The following EIPR1 variants were observed in gnomAD, a reference collection of about 807,000 sequenced individuals.
The protein encoded by EIPR1 is EARP and GARP complex-interacting protein 1.
EIPR1 carries 25 observed loss-of-function variants against 48.1 expected under a neutral mutation model. The observed-to-expected ratio is 0.52, with a 90% CI of 0.38 to 0.73. EIPR1 has a LOEUF of 0.73. Among genes scored for constraint, EIPR1 ranks in the 30% least tolerant of loss-of-function variants. The pLI is 0.00. For missense variants in EIPR1, 415 were observed against 506.2 expected (o/e 0.82, Z 1.73); for synonymous variants, 204 against 201.9 (o/e 1.01, Z -0.09).
intron 4 of EIPR1, among the ~76,000 whole-genome samples, chr2:3,219,817 A>G (rs1665809050): frequency 6.6e-6 from 1 of 152,228 alleles, no homozygotes; most frequent in Admixed American, 6.5e-5. Context: ...TACACTCTAG[A>G]GCATTCACAG....
intron 1 of EIPR1, among the ~76,000 whole-genome samples, chr2:3,370,140 GA>G (rs1671078484): frequency 6.6e-6 from 1 of 152,176 alleles, no homozygotes; most frequent in African/African-American, 2.4e-5. Context: ...GTCTGGAGTG[GA>G]CCTCTAGCAA....
intron 4 of EIPR1, among the ~76,000 whole-genome samples, chr2:3,223,568 C>T (rs1306944547): frequency 2.0e-5 from 3 of 152,206 alleles, no homozygotes; most frequent in Non-Finnish European, 4.4e-5. Context: ...TTATCAAGTA[C>T]AAGTCAGTGA....
intron 3 of EIPR1, among the ~76,000 whole-genome samples, chr2:3,269,509 A>ATCGCACTCAG (rs1667621752): frequency 9.0e-5 from 2 of 22,118 alleles, no homozygotes; most frequent in Non-Finnish European, 1.7e-4. Flanking sequence ...GCACTCAATC[A>ATCGCACTCAG]TCATCACACT....
At chr2:3,241,562 G>A (rs546764724) in intron 4 of EIPR1, among the ~76,000 whole-genome samples, 15 of 152,114 alleles carry the variant, frequency 9.9e-5, no homozygotes, top group Admixed American at 3.9e-4. Flanking sequence ...AAACTAAGAC[G>A]TTTATTTCTT....
chr2:3,197,789 A>C (rs1664861885), intron 5 of EIPR1, among the ~76,000 whole-genome samples: 1 of 152,200 alleles, frequency 6.6e-6, no homozygotes, highest in Non-Finnish European at 1.5e-5. Context: ...CCTGCCCCCA[A>C]GTCCTCCTGA....
At chr2:3,195,495 A>C (rs1664774746) in intron 6 of EIPR1, among the ~76,000 whole-genome samples, 1 of 152,160 alleles carries the variant, frequency 6.6e-6, no homozygotes, top group Admixed American at 6.5e-5. Context: ...ACCACTTTTA[A>C]ATCTTCTGGT....
chr2:3,261,300 AAACGTACAT>A (rs1189503271), intron 3 of EIPR1, among the ~76,000 whole-genome samples: 2 of 152,210 alleles, frequency 1.3e-5, no homozygotes, highest in African/African-American at 4.8e-5. Flanking sequence ...ACATGAGTGC[AAACGTACAT>A]AACGTACATA....
At chr2:3,274,112 C>T (rs1422708340) in intron 3 of EIPR1, among the ~76,000 whole-genome samples, 4 of 152,134 alleles carry the variant, frequency 2.6e-5, no homozygotes, top group South Asian at 2.1e-4. Context: ...GAACCTAGGA[C>T]ACAGCAGAGA....
chr2:3,227,113 T>A (rs1260309853), intron 4 of EIPR1, among the ~76,000 whole-genome samples: 1 of 151,964 alleles, frequency 6.6e-6, no homozygotes, highest in Non-Finnish European at 1.5e-5. Flanking sequence ...GGAAGTGACA[T>A]TAGAACTGGG....
chr2:3,239,214 G>T (rs952182479), intron 4 of EIPR1, among the ~76,000 whole-genome samples: 1 of 152,220 alleles, frequency 6.6e-6, no homozygotes, highest in Non-Finnish European at 1.5e-5. Flanking sequence ...GCCCCATCAG[G>T]CTGTGTCCTC....
intron 2 of EIPR1, among the ~76,000 whole-genome samples, chr2:3,339,904 G>T (rs922462605): frequency 6.6e-6 from 1 of 152,192 alleles, no homozygotes; most frequent in Non-Finnish European, 1.5e-5. Flanking sequence ...GAGCCGAGAT[G>T]GCGCCACCGC....
intron 8 of EIPR1, among the ~76,000 whole-genome samples, chr2:3,190,593 C>T (rs904079942): frequency 6.6e-6 from 1 of 152,150 alleles, no homozygotes; most frequent in African/African-American, 2.4e-5. Flanking sequence ...CATGACATTG[C>T]CGCCCAGAAG....
At chr2:3,283,957 A>AG (rs1668095303) in intron 3 of EIPR1, among the ~76,000 whole-genome samples, 1 of 150,854 alleles carries the variant, frequency 6.6e-6, no homozygotes, top group Non-Finnish European at 1.5e-5. Context: ...AAAAAAAAAA[A>AG]AAAAAAAAGA....
chr2:3,298,535 T>A (rs1668669032), intron 3 of EIPR1: 1 of 152,028 alleles, frequency 6.6e-6, no homozygotes, highest in African/African-American at 2.4e-5. Context: ...GATCTTACGA[T>A]CTCGATGGTG....
At chr2:3,247,446 A>C (rs1326049517) in intron 4 of EIPR1, among the ~76,000 whole-genome samples, 3 of 152,220 alleles carry the variant, frequency 2.0e-5, no homozygotes, top group African/African-American at 7.2e-5. Context: ...GGTGATGATG[A>C]TGCATTGTGG....
intron 3 of EIPR1, among the ~76,000 whole-genome samples, chr2:3,288,237 G>A (rs1013810829): frequency 6.6e-6 from 1 of 152,224 alleles, no homozygotes; most frequent in Non-Finnish European, 1.5e-5. Context: ...TCCAAGCCCT[G>A]CCTCTCTGCT....
intron 5 of EIPR1, chr2:3,208,357 G>A (rs996928250): frequency 7.1e-6 from 8 of 1,133,602 alleles, no homozygotes; most frequent in Non-Finnish European, 9.7e-6. Context: ...CTGTGCCCGG[G>A]TGGGACTCAT....
At chr2:3,241,306 G>A (rs1408384748) in intron 4 of EIPR1, among the ~76,000 whole-genome samples, 4 of 152,214 alleles carry the variant, frequency 2.6e-5, no homozygotes, top group Non-Finnish European at 5.9e-5. Flanking sequence ...CCAGAATTAT[G>A]GTAGGGAGAG....
chr2:3,272,460 C>CA (rs749409971), intron 3 of EIPR1, among the ~76,000 whole-genome samples: 1 of 152,164 alleles, frequency 6.6e-6, no homozygotes, highest in Non-Finnish European at 1.5e-5. Flanking sequence ...ATTGAACACT[C>CA]AGAGGCCATT....
Sources: allele counts gnomAD v4.1 joint callset (sites outside exome capture counted in the v4.1 genomes callset), GRCh38; gene constraint gnomAD v4.1.1; transcripts MANE v1.5; gene names NCBI Gene and HGNC (gene_info 2026-07-23, HGNC 2026-07-21).